Variants in SLC7A6OS observed in about 807,000 individuals in gnomAD.
SLC7A6OS encodes the protein probable RNA polymerase II nuclear localization protein SLC7A6OS.
Under a neutral mutation model 34.3 loss-of-function variants are expected in SLC7A6OS, and 22 were observed. That is an observed-to-expected ratio of 0.64 (90% CI 0.46 to 0.92). The LOEUF (loss-of-function observed/expected upper bound fraction) is 0.92. Ranked by LOEUF, SLC7A6OS falls within the 40% of genes least tolerant of loss-of-function variation. The pLI is 0.00. For missense variants in SLC7A6OS, 434 were observed against 407.7 expected, an observed-to-expected ratio of 1.06 and a Z score of -0.56; for synonymous variants, 199 against 165.0, an observed-to-expected ratio of 1.21 and a Z score of -1.58.
Position 68,299,424 on chromosome 16 carries a change from CCT to C in SLC7A6OS, c.*1849_*1850del, listed in dbSNP as rs572957881. The C allele has an allele frequency of 5.8e-4, 88 of 152,692 alleles. No homozygotes were observed. The highest frequency in any genetic ancestry group is 1.9e-3 in the African/African-American group (78 of 41,534). 9.5% of individuals were successfully genotyped at this position (152,692 alleles called of 1,614,324 possible). A position where few individuals can be genotyped will look rare whatever the true frequency, so the allele number is the denominator to read the frequency against. The stretch of plus-strand genomic sequence containing the variant: ...TTTTGGATGGTGACAGCATTTTTCC[CCT>C]CTGTGCTGGATACAGACTTCTCCCA... On this transcript the variant is annotated 3_prime_UTR_variant, in exon 5 of 5. Coordinates refer to ENST00000263997, the MANE Select transcript of SLC7A6OS (RefSeq NM_032178.3).
chr16:68,305,146 GTAT>G (rs1045308754), intron 2 of SLC7A6OS, among the ~76,000 whole-genome samples: 6 of 152,254 alleles, frequency 3.9e-5, no homozygotes, highest in African/African-American at 1.4e-4. Flanking sequence ...AGATCCTTTG[GTAT>G]TATACAATGT....
intron 2 of SLC7A6OS, among the ~76,000 whole-genome samples, chr16:68,310,067 C>T (rs1198014634): frequency 6.6e-6 from 1 of 152,334 alleles, no homozygotes; most frequent in Middle Eastern, 3.4e-3. Flanking sequence ...CCCTTATCAT[C>T]ATCTGACACT....
rs746909854 is a variant in SLC7A6OS, at chr16:68,304,143, G to A, written c.561C>T (p.Arg187=). 1.2e-5 allele frequency: 19 copies of A among 1,614,084 alleles called. No individual in the cohort carries two copies. Among genetic ancestry groups the A allele is most frequent in the Non-Finnish European group, 1.6e-5 (19 of 1,180,022 alleles). ...AGTCATCGTGTTTTTGTTCTTCCTG[G>A]CGCCTGACTCCTGGTCCATCCTCAG... ...TVSEDGPGVR[R]QEEQKHDDYV... The change falls in exon 3 of 5, where the codon CGC becomes CGT. Residue 187 remains arginine (R), a synonymous_variant. Transcript: ENST00000263997.
intron 2 of SLC7A6OS, among the ~76,000 whole-genome samples, chr16:68,307,061 G>T (rs192377716): frequency 6.6e-6 from 1 of 151,926 alleles, no homozygotes; most frequent in South Asian, 2.1e-4. Flanking sequence ...ATATATTTTC[G>T]CCCACAATCA....
chr16:68,305,658 G>A (rs28482167), intron 2 of SLC7A6OS, among the ~76,000 whole-genome samples: 1 of 152,198 alleles, frequency 6.6e-6, no homozygotes, highest in Non-Finnish European at 1.5e-5. Context: ...AAAGAAGCTA[G>A]AGATGCCAGT....
At chr16:68,308,614 C>T (rs999817433) in intron 2 of SLC7A6OS, among the ~76,000 whole-genome samples, 1 of 152,016 alleles carries the variant, frequency 6.6e-6, no homozygotes, top group Non-Finnish European at 1.5e-5. Context: ...GCGACAAGGG[C>T]GAGACTCCAT....
chr16:68,308,864 C>A (rs1407271690), intron 2 of SLC7A6OS, among the ~76,000 whole-genome samples: 1 of 151,650 alleles, frequency 6.6e-6, no homozygotes, highest in East Asian at 2.0e-4. Flanking sequence ...CCAGACTGGC[C>A]AACATAGCGA....
rs371778687 is a variant in SLC7A6OS at position 68,304,761 on chromosome 16, C to T, written c.472-529G>A. On this transcript the variant is annotated intron_variant, in intron 2 of 4. Coordinates refer to ENST00000263997, the MANE Select transcript of SLC7A6OS (RefSeq NM_032178.3). ...TTAAGATAGAAACGTACAAGATAGGCTCCTGCTCTTTTGTGCTTGGCTCTC... is the reference window on the plus strand; with the variant it reads ...TTAAGATAGAAACGTACAAGATAGGTTCCTGCTCTTTTGTGCTTGGCTCTC... Among the ~76,000 whole-genome samples, 65 of 152,272 alleles carry T rather than the reference C, an allele frequency of 4.3e-4. 1 individual carries two copies. Among genetic ancestry groups the T allele is most frequent in the East Asian group, 2.7e-3 (14 of 5,186 alleles).
chr16:68,310,453 C>T lies in SLC7A6OS; in HGVS notation c.353G>A (p.Gly118Asp). 1 of 1,602,652 alleles carries T rather than the reference C, an allele frequency of 6.2e-7. No homozygotes were observed. The highest frequency in any genetic ancestry group is 8.5e-7 in the Non-Finnish European group (1 of 1,174,906). The change falls in exon 2 of 5, where the codon GGC (glycine) becomes GAC (aspartate). Residue 118 changes from glycine to aspartate, a missense_variant. Physicochemically the swap from Gly to Asp is moderately conservative, Grantham distance 94. Transcript: ENST00000263997. ...SRRSLGTTSS[G>D]QESEYTPGNP... ...CCCCGGCGTGTACTCGGACTCCTGGCCGCTCGAGGTGGTCCCCAAGGATCG... is the reference window on the plus strand; with the variant it reads ...CCCCGGCGTGTACTCGGACTCCTGGTCGCTCGAGGTGGTCCCCAAGGATCG...
At position 68,299,347 on chromosome 16, in the gene SLC7A6OS, C is replaced by T. The variant is rs2043228660; in HGVS notation, c.*1928G>A. On this transcript the variant is annotated 3_prime_UTR_variant, in exon 5 of 5. Transcript: ENST00000263997. ...GCTTCTAGGGAAAGCAAGGACCTCA[C>T]ATGCCAGGTGCCCTAGTACTTGCTT... 6.5e-6 allele frequency: 1 copy of T among 152,680 alleles called. No homozygotes were observed. The highest frequency in any genetic ancestry group is 2.4e-5 in the African/African-American group (1 of 41,466). The allele number at this position is 152,680 out of a possible 1,614,324, so 9.5% of individuals were successfully genotyped here.
At position 68,302,405 on chromosome 16, in the gene SLC7A6OS, T is replaced by C. The variant is rs145382889; in HGVS notation, c.775A>G (p.Ser259Gly). Reference protein sequence around the residue: ...WRNEYPEEESSDGDEDSRGSA... With the variant: ...WRNEYPEEESGDGDEDSRGSA... ...CCTCTGGAATCCTCATCTCCATCAC[T>C]GCTCTCCTCCTCTGGGTACTCATTG... The change falls in exon 4 of 5, where the codon AGT (serine) becomes GGT (glycine). Residue 259 changes from serine to glycine, a missense_variant. Physicochemically the swap from Ser to Gly is moderately conservative, Grantham distance 56 (BLOSUM62 0). Coordinates refer to ENST00000263997, the MANE Select transcript of SLC7A6OS (RefSeq NM_032178.3). 2.8e-4 allele frequency: 450 copies of C among 1,614,106 alleles called. No individual in the cohort carries two copies. The highest frequency in any genetic ancestry group is 3.6e-4 in the Non-Finnish European group (429 of 1,180,044).
chr16:68,306,823 TATTC>T (rs3068658), intron 2 of SLC7A6OS, among the ~76,000 whole-genome samples: 87,905 of 150,220 alleles, frequency 0.59, 25,853 homozygotes, highest in East Asian at 0.76. Context: ...TGTCCATGTG[TATTC>T]ATTCATTCAT....
chr16:68,303,247 G>C (rs1024263544), intron 3 of SLC7A6OS, among the ~76,000 whole-genome samples: 26 of 142,880 alleles, frequency 1.8e-4, no homozygotes, highest in African/African-American at 6.9e-4. Context: ...CTGGGTGACA[G>C]AGCGAGACTC....
Position 68,301,260 on chromosome 16 carries a change from G to A in SLC7A6OS, c.*15C>T, listed in dbSNP as rs779482974. 1.6e-5 allele frequency: 26 copies of A among 1,612,948 alleles called. 1 individual carries two copies. In the South Asian group the frequency reaches 1.9e-4, roughly 12 times the overall value. On this transcript the variant is annotated 3_prime_UTR_variant, in exon 5 of 5. Coordinates refer to ENST00000263997, the MANE Select transcript of SLC7A6OS (RefSeq NM_032178.3). Reference sequence around the variant, plus strand: ...CAAGGGCATGTGGCAGAACCTCATGGACATCACAAGACCATCAGTCTGAAT... The same window carrying A: ...CAAGGGCATGTGGCAGAACCTCATGAACATCACAAGACCATCAGTCTGAAT...
At chr16:68,301,570 T>C (rs1158761390) in intron 4 of SLC7A6OS, 165 bp from the exon 5 acceptor site, 1 of 542,482 alleles carries the variant, frequency 1.8e-6, no homozygotes, top group African/African-American at 1.9e-5. Context: ...AAAGAAGGAA[T>C]CACTTTCCTA....
intron 2 of SLC7A6OS, among the ~76,000 whole-genome samples, chr16:68,307,755 T>A (rs1180355972): frequency 2.6e-5 from 4 of 152,352 alleles, no homozygotes; most frequent in African/African-American, 9.6e-5. Flanking sequence ...TCAAGCATGC[T>A]TTAAGCTTAA....
intron 2 of SLC7A6OS, among the ~76,000 whole-genome samples, chr16:68,309,278 G>C (rs907438934): frequency 1.3e-4 from 19 of 151,854 alleles, no homozygotes; most frequent in African/African-American, 4.6e-4. Flanking sequence ...CTTCCTTTTT[G>C]TAGTGACAAG....
At chr16:68,301,446 C>A in intron 4 of SLC7A6OS, 41 bp from the exon 5 acceptor site, 1 of 1,589,722 alleles carries the variant, frequency 6.3e-7, no homozygotes, top group Non-Finnish European at 8.6e-7. Flanking sequence ...ATGTGATTTT[C>A]CTAGGCTACT....
intron 2 of SLC7A6OS, among the ~76,000 whole-genome samples, chr16:68,305,991 G>A (rs1480224176): frequency 1.3e-5 from 2 of 152,112 alleles, no homozygotes; most frequent in Admixed American, 1.3e-4. Context: ...CCAGGTGGAG[G>A]CTGCACCGAG....
Sources: gnomAD v4.1 joint callset for allele counts (sites outside exome capture counted in the v4.1 genomes callset) on GRCh38, gnomAD v4.1.1 for gene constraint, MANE v1.5 for transcripts, NCBI Gene and HGNC (gene_info 2026-07-23, HGNC 2026-07-21) for gene names.